THADA: variants seen among roughly 807,000 people sequenced by gnomAD.
THADA encodes THADA armadillo repeat containing.
A neutral mutation model predicts 219.8 loss-of-function variants in THADA; 213 were observed. The ratio of observed to expected loss-of-function variants is 0.97; its 90% CI spans 0.87 to 1.09. The LOEUF is 1.09. Ranked by LOEUF, THADA falls within the 50% of genes least tolerant of loss-of-function variation. THADA has a pLI of 0.00. For synonymous variants in THADA, 1,018 were observed against 828.9 expected, an observed-to-expected ratio of 1.23 and a Z score of -3.92; for missense variants, 2,956 against 2,311.3, an observed-to-expected ratio of 1.28 and a Z score of -5.72.
chr2:43,462,203 A>G (rs941847780), intron 26 of THADA, among the ~76,000 whole-genome samples: 1 of 151,970 alleles, frequency 6.6e-6, no homozygotes, highest in Non-Finnish European at 1.5e-5. Flanking sequence ...AAAGGAGAAA[A>G]CTCTGGTTAA....
chr2:43,505,571 C>T, intron 24 of THADA, 51 bp downstream of exon 24: 4 of 1,374,702 alleles, frequency 2.9e-6, no homozygotes, highest in Non-Finnish European at 4.0e-6. Flanking sequence ...AAGTGAAAAA[C>T]AAAACAAAAC....
chr2:43,247,310 T>G (rs569629526), intron 36 of THADA, among the ~76,000 whole-genome samples: 11 of 152,236 alleles, frequency 7.2e-5, no homozygotes, highest in African/African-American at 2.6e-4. Flanking sequence ...CACTAAAAAC[T>G]GCAAATAACA....
At chr2:43,361,654 G>T (rs1303367330) in intron 29 of THADA, among the ~76,000 whole-genome samples, 1 of 152,182 alleles carries the variant, frequency 6.6e-6, no homozygotes, top group African/African-American at 2.4e-5. Context: ...TTTCTTAGTG[G>T]TCTGTGGTGA....
intron 29 of THADA, among the ~76,000 whole-genome samples, chr2:43,387,284 C>G (rs942900117): frequency 6.6e-6 from 1 of 152,114 alleles, no homozygotes; most frequent in African/African-American, 2.4e-5. Context: ...TCAGTTTCAA[C>G]TATACATTAT....
intron 36 of THADA, among the ~76,000 whole-genome samples, chr2:43,247,169 C>T (rs1669239986): frequency 6.6e-6 from 1 of 152,164 alleles, no homozygotes; most frequent in Non-Finnish European, 1.5e-5. Context: ...GGAGGAGGGA[C>T]TCCAGGAAGA....
At chr2:43,482,428 T>TA (rs1686341958) in intron 26 of THADA, among the ~76,000 whole-genome samples, 1 of 152,126 alleles carries the variant, frequency 6.6e-6, no homozygotes, top group African/African-American at 2.4e-5. Flanking sequence ...TTACCAAACT[T>TA]ACAATTCCAG....
At chr2:43,287,142 ACTGGGC>A in intron 34 of THADA, 81 bp from the exon 35 acceptor site, 1 of 1,352,424 alleles carries the variant, frequency 7.4e-7, no homozygotes, top group Non-Finnish European at 1.0e-6. Context: ...CCTACACCAA[ACTGGGC>A]CTGTAGATTA....
At chr2:43,285,154 C>G (rs534683855) in intron 35 of THADA, among the ~76,000 whole-genome samples, 2 of 152,154 alleles carry the variant, frequency 1.3e-5, no homozygotes, top group Non-Finnish European at 2.9e-5. Context: ...TGAGCTGAAC[C>G]TGGAGGACTG....
chr2:43,515,352 T>TATATATA lies in THADA; in HGVS notation c.3375-6579_3375-6573dup, dbSNP rs70965303. ...ATATATAATATAATATATAATATTT[T>TATATATA]ATATATAATATATAATATATAATAT... On this transcript the variant is annotated intron_variant, in intron 22 of 37. Coordinates refer to ENST00000405975, the MANE Select transcript of THADA (RefSeq NM_022065.5). Among the ~76,000 whole-genome samples, 76 of 58,746 alleles carry TATATATA rather than the reference T, an allele frequency of 1.3e-3. 4 individuals carry two copies. Among genetic ancestry groups the TATATATA allele is most frequent in the African/African-American group, 5.2e-3 (55 of 10,566 alleles). The allele number at this position is 58,746 out of a possible 152,430, so 38.5% of individuals were successfully genotyped here. A position where few individuals can be genotyped will look rare whatever the true frequency, so the allele number is the denominator to read the frequency against.
At chr2:43,481,174 T>A (rs1234165653) in intron 26 of THADA, among the ~76,000 whole-genome samples, 1 of 150,552 alleles carries the variant, frequency 6.6e-6, no homozygotes, top group South Asian at 2.1e-4. Context: ...TAGATGCCCC[T>A]TGAAGGATCC....
intron 27 of THADA, among the ~76,000 whole-genome samples, chr2:43,429,022 G>C (rs1263241937): frequency 6.6e-6 from 1 of 152,038 alleles, no homozygotes; most frequent in Non-Finnish European, 1.5e-5. Context: ...TTCATACCAA[G>C]TGCAAAATTA....
chr2:43,328,129 C>T (rs1043087554), intron 30 of THADA, among the ~76,000 whole-genome samples: 7 of 152,164 alleles, frequency 4.6e-5, no homozygotes, highest in Non-Finnish European at 7.4e-5. Flanking sequence ...ACCATGGCCC[C>T]CAGCCAAGTA....
intron 4 of THADA, 101 bp from the exon 5 acceptor site, chr2:43,587,103 C>A: frequency 8.1e-7 from 1 of 1,232,542 alleles, no homozygotes; most frequent in Non-Finnish European, 1.1e-6. Context: ...TGAACTAAAT[C>A]TTCAAAATAC....
intron 21 of THADA, chr2:43,538,340 A>G (rs1299657470): frequency 6.6e-6 from 1 of 152,176 alleles, no homozygotes; most frequent in African/African-American, 2.4e-5. Flanking sequence ...CATCCCTCAA[A>G]GTTGGTTTTA....
chr2:43,461,410 G>T (rs1405275123), intron 26 of THADA, among the ~76,000 whole-genome samples: 1 of 152,120 alleles, frequency 6.6e-6, no homozygotes, highest in East Asian at 1.9e-4. Context: ...ACTAAAAAAT[G>T]ATTTTTGAAA....
intron 36 of THADA, among the ~76,000 whole-genome samples, chr2:43,242,444 C>T (rs1238524779): frequency 6.6e-6 from 1 of 152,148 alleles, no homozygotes; most frequent in African/African-American, 2.4e-5. Flanking sequence ...GGGCCAGATA[C>T]AAATCCAGGC....
At chr2:43,505,337 A>G (rs1689529081) in intron 24 of THADA, among the ~76,000 whole-genome samples, 1 of 152,030 alleles carries the variant, frequency 6.6e-6, no homozygotes, top group Non-Finnish European at 1.5e-5. Flanking sequence ...AAAAAGAAGG[A>G]GAGAAAAACT....
In THADA at chr2:43,571,628, CA is replaced by C; in HGVS notation, c.2064+78del. 6 of 1,479,196 alleles carry C rather than the reference CA, an allele frequency of 4.1e-6. No individual in the cohort carries two copies. The South Asian group carries it at 6.6e-5, about 16-fold the overall frequency. 91.6% of individuals were successfully genotyped at this position (1,479,196 alleles called of 1,614,324 possible). A position where few individuals can be genotyped will look rare whatever the true frequency, so the allele number is the denominator to read the frequency against. On this transcript the variant is annotated intron_variant, in intron 13 of 37. Transcript: ENST00000405975. The stretch of plus-strand genomic sequence containing the variant: ...TTCCATGACCATTCCCACACGCTCC[CA>C]AAATCTGGGCTCTTTTTAAAAACGA...
intron 36 of THADA, among the ~76,000 whole-genome samples, chr2:43,275,550 C>G (rs192861956): frequency 6.6e-6 from 1 of 152,144 alleles, no homozygotes; most frequent in African/African-American, 2.4e-5. Context: ...CTGGGGACCT[C>G]CTGATCTAGC....
Sources: allele counts gnomAD v4.1 joint callset (sites outside exome capture counted in the v4.1 genomes callset), GRCh38; gene constraint gnomAD v4.1.1; transcripts MANE v1.5; gene names NCBI Gene and HGNC (gene_info 2026-07-23, HGNC 2026-07-21).